The following ZSWIM8 variants were observed in gnomAD, a reference collection of about 807,000 sequenced individuals.
ZSWIM8 encodes the protein zinc finger SWIM-type containing 8.
A neutral mutation model predicts 173.7 loss-of-function variants in ZSWIM8; 27 were observed. The ratio of observed to expected loss-of-function variants is 0.16; its 90% CI spans 0.11 to 0.21. The LOEUF is 0.21. Among genes scored for constraint, ZSWIM8 ranks in the 10% least tolerant of loss-of-function variants. ZSWIM8 has a pLI of 1.00. For missense variants in ZSWIM8, 1,627 were observed against 2,428.8 expected, an observed-to-expected ratio of 0.67 and a Z score of 6.94; for synonymous variants, 958 against 962.0, an observed-to-expected ratio of 1.00 and a Z score of 0.08.
chr10:73,799,525 G>A (rs1200259942), intron 21 of ZSWIM8, 35 bp downstream of exon 21: 1 of 1,581,932 alleles, frequency 6.3e-7, no homozygotes, highest in East Asian at 2.3e-5. Context: ...GTAAGGCATG[G>A]GAAAATACTG....
rs2083529905 is a variant in ZSWIM8 at position 73,794,339 on chromosome 10, C to T, written c.2809+9C>T. The T allele has an allele frequency of 1.9e-6, 3 of 1,612,658 alleles. No individual in the cohort carries two copies. Among genetic ancestry groups the T allele is most frequent in the Non-Finnish European group, 2.5e-6 (3 of 1,179,142 alleles). Reference sequence around the variant, plus strand: ...CGTTCTCTGTGCTCCAGGTATGATGCCTGACCCTACAGTAAGTGGGGAACT... The same window carrying T: ...CGTTCTCTGTGCTCCAGGTATGATGTCTGACCCTACAGTAAGTGGGGAACT... On this transcript the variant is annotated intron_variant, in intron 13 of 25. Coordinates refer to ENST00000604729, the MANE Select transcript of ZSWIM8 (RefSeq NM_001367799.1).
Position 73,791,202 on chromosome 10 carries a change from C to T in ZSWIM8, c.1143+26C>T, listed in dbSNP as rs757068926. 1.4e-5 allele frequency: 22 copies of T among 1,574,678 alleles called. No individual in the cohort carries two copies. The highest frequency in any genetic ancestry group is 6.8e-5 in the East Asian group (3 of 44,206). On this transcript the variant is annotated intron_variant, in intron 8 of 25. Coordinates refer to ENST00000604729, the MANE Select transcript of ZSWIM8 (RefSeq NM_001367799.1). The surrounding 1 kb of genome is among the most constrained non-coding windows in gnomAD (Gnocchi z 6.0). ...GTAATCACTCAGCGTTGGGGAGCCC[C>T]GTGGTAGCTCATTCTTTCCCTCCCC...
At chr10:73,787,318 C>A (rs1421332548) in intron 1 of ZSWIM8, among the ~76,000 whole-genome samples, 1 of 152,186 alleles carries the variant, frequency 6.6e-6, no homozygotes, top group Non-Finnish European at 1.5e-5. Flanking sequence ...CCTGTGTACA[C>A]ACACACAAAC....
Position 73,793,618 on chromosome 10 carries a change from G to A in ZSWIM8, c.2344G>A (p.Ala782Thr). The change falls in exon 11 of 26, where the codon GCG (alanine) becomes ACG (threonine). Residue 782 changes from alanine to threonine, a missense_variant. Physicochemically the swap from Ala to Thr is moderately conservative, Grantham distance 58. Around this residue, in one of 18 missense-constraint regions of ZSWIM8, gnomAD observed 383 missense variants for 394.8 expected, o/e 0.97. Coordinates refer to ENST00000604729, the MANE Select transcript of ZSWIM8 (RefSeq NM_001367799.1). The part of the protein sequence containing the change: ...VLFACAEALH[A>T]HGYSSEASRL... Reference sequence around the variant, plus strand: ...GTTTGCCTGTGCTGAGGCCCTGCATGCGCATGGCTATAGCAGTGAGGCCTC... The same window carrying A: ...GTTTGCCTGTGCTGAGGCCCTGCATACGCATGGCTATAGCAGTGAGGCCTC... 6.2e-7 allele frequency: 1 copy of A among 1,610,194 alleles called. No homozygotes were observed. The highest frequency in any genetic ancestry group is 8.5e-7 in the Non-Finnish European group (1 of 1,177,882).
chr10:73,788,871 ACT>A, intron 2 of ZSWIM8, 48 bp downstream of exon 2: 2 of 1,605,720 alleles, frequency 1.2e-6, no homozygotes, highest in South Asian at 2.2e-5. Context: ...GATACTCCAC[ACT>A]GTCTGCTGGG....
chr10:73,791,010 C>T lies in ZSWIM8; in HGVS notation c.977C>T (p.Pro326Leu). Reference sequence around the variant, plus strand: ...TCCATGTATCTGTCTTCCACGGAGCCGCCAGCCGCTGCTGAATGGGCATGT... The same window carrying T: ...TCCATGTATCTGTCTTCCACGGAGCTGCCAGCCGCTGCTGAATGGGCATGT... Reference protein sequence around the residue: ...VNSMYLSSTEPPAAAEWACLL... With the variant: ...VNSMYLSSTELPAAAEWACLL... The change falls in exon 8 of 26, where the codon CCG (proline) becomes CTG (leucine). Residue 326 changes from proline (P) to leucine (L), a missense_variant. Pro to Leu is a moderately conservative substitution (Grantham distance 98). This residue lies in a region of ZSWIM8 where 38 missense variants were observed against 106.1 expected (regional missense o/e 0.36). Transcript: ENST00000604729. The surrounding 1 kb of genome is among the most constrained non-coding windows in gnomAD (Gnocchi z 6.0). 6.2e-7 allele frequency: 1 copy of T among 1,612,736 alleles called. No homozygotes were observed. The highest frequency in any genetic ancestry group is 8.5e-7 in the Non-Finnish European group (1 of 1,179,874).
intron 1 of ZSWIM8, 140 bp from the exon 2 acceptor site, chr10:73,788,530 C>T: frequency 1.9e-6 from 2 of 1,061,550 alleles, no homozygotes; most frequent in Non-Finnish European, 2.7e-6. Flanking sequence ...AGGGGGATCC[C>T]TAGGACTTTC....
At chr10:73,799,736 G>C (rs962934033) in intron 21 of ZSWIM8, 1 of 646,012 alleles carries the variant, frequency 1.5e-6, no homozygotes, top group Non-Finnish European at 2.6e-6. Context: ...TTCGAGACCA[G>C]CCTGGCCAAC....
intron 19 of ZSWIM8, 58 bp downstream of exon 19, chr10:73,798,128 C>T (rs1458638865): frequency 8.8e-6 from 14 of 1,596,588 alleles, no homozygotes; most frequent in East Asian, 2.2e-5. Context: ...GGGATAAGAC[C>T]CTTATCTTTG....
In ZSWIM8 at chr10:73,797,454, G is replaced by A; in HGVS notation, c.3511G>A (p.Gly1171Arg). The A allele has an allele frequency of 6.2e-7, 1 of 1,613,896 alleles. No individual in the cohort carries two copies. Among genetic ancestry groups the A allele is most frequent in the Non-Finnish European group, 8.5e-7 (1 of 1,179,840 alleles). ...CACCTTAAGCCGGAGACCACTTCGA[G>A]GGGGCTGGGCCCCCACCTCCTGGGG... ...SPTLSRRPLR[G>R]GWAPTSWGRG... Residue 1171 changes from glycine (G) to arginine (R), a missense_variant, in exon 18 of 26, where the codon GGG becomes AGG. Transcript: ENST00000604729. The surrounding 1 kb of genome is among the most constrained non-coding windows in gnomAD (Gnocchi z 5.6).
Position 73,800,638 on chromosome 10 carries a change from A to G in ZSWIM8, c.5003-2A>G. On this transcript the variant is annotated splice_acceptor_variant, in intron 23 of 25. Coordinates refer to ENST00000604729, the MANE Select transcript of ZSWIM8 (RefSeq NM_001367799.1). LOFTEE classifies it high-confidence loss of function. The surrounding 1 kb of genome is among the most constrained non-coding windows in gnomAD (Gnocchi z 4.1). ...ATGTGCCCACCCTTATCTATCTCCC[A>G]GGAATGCTGGCACTGGAGATGCTGG... 6.2e-7 allele frequency: 1 copy of G among 1,608,198 alleles called. No homozygotes were observed. Among genetic ancestry groups the G allele is most frequent in the Non-Finnish European group, 8.5e-7 (1 of 1,176,924 alleles).
Position 73,789,996 on chromosome 10 carries a change from C to G in ZSWIM8, c.779C>G (p.Ser260Cys), listed in dbSNP as rs2083359973. ...TAQRLLDELL[S>C]SQSTAINTVC... ...CAGCGTCTCCTGGACGAACTCCTGT[C>G]TTCCCAGTCAACAGCCATCAATACA... The change falls in exon 6 of 26, where the codon TCT becomes TGT. Residue 260 changes from serine to cysteine, a missense_variant. Ser to Cys is a moderately radical substitution (Grantham distance 112). This residue lies in a region of ZSWIM8 where 39 missense variants were observed against 154.0 expected (regional missense o/e 0.25). Coordinates refer to ENST00000604729, the MANE Select transcript of ZSWIM8 (RefSeq NM_001367799.1). This position sits in a 1 kb window ranked among gnomAD's most constrained non-coding sequence, Gnocchi z 6.8. 3 of 1,613,494 alleles carry G rather than the reference C, an allele frequency of 1.9e-6. No homozygotes were observed. The highest frequency in any genetic ancestry group is 2.5e-6 in the Non-Finnish European group (3 of 1,179,702).
intron 14 of ZSWIM8, 113 bp from the exon 15 acceptor site, chr10:73,795,426 C>A: frequency 6.6e-7 from 1 of 1,517,540 alleles, no homozygotes; most frequent in Non-Finnish European, 8.9e-7. Context: ...GTGGGTTGGA[C>A]CAAGGGAACC....
At position 73,791,827 on chromosome 10, in the gene ZSWIM8, C is replaced by T; in HGVS notation, c.1320-32C>T. On this transcript the variant is annotated intron_variant, in intron 9 of 25. Transcript: ENST00000604729. This position sits in a 1 kb window ranked among gnomAD's most constrained non-coding sequence, Gnocchi z 6.0. ...CCATGCCCATCCTTTCCCAGTAGCCCCTCAGCAGCCTCCTGCCCCTTGTTC... is the reference window on the plus strand; with the variant it reads ...CCATGCCCATCCTTTCCCAGTAGCCTCTCAGCAGCCTCCTGCCCCTTGTTC... The T allele has an allele frequency of 6.8e-7, 1 of 1,480,918 alleles. No homozygotes were observed. Among genetic ancestry groups the T allele is most frequent in the East Asian group, 2.5e-5 (1 of 39,986 alleles). The allele number at this position is 1,480,918 out of a possible 1,614,324, so 91.7% of individuals were successfully genotyped here. A position where few individuals can be genotyped will look rare whatever the true frequency, so the allele number is the denominator to read the frequency against.
chr10:73,792,950 T>C lies in ZSWIM8; in HGVS notation c.2313+98T>C. 7.0e-7 allele frequency: 1 copy of C among 1,418,858 alleles called. No homozygotes were observed. The highest frequency in any genetic ancestry group is 9.4e-7 in the Non-Finnish European group (1 of 1,063,996). The allele number at this position is 1,418,858 out of a possible 1,614,324, so 87.9% of individuals were successfully genotyped here. ...GGAGTGTCAGGACCATCAGCAGGAT[T>C]GTGAGAACCCTGTTGCAGGCGCCGA... On this transcript the variant is annotated intron_variant, in intron 10 of 25. Coordinates refer to ENST00000604729, the MANE Select transcript of ZSWIM8 (RefSeq NM_001367799.1). This position sits in a 1 kb window ranked among gnomAD's most constrained non-coding sequence, Gnocchi z 4.3.
At chr10:73,787,617 C>T (rs2083272379) in intron 1 of ZSWIM8, among the ~76,000 whole-genome samples, 2 of 152,132 alleles carry the variant, frequency 1.3e-5, no homozygotes, top group East Asian at 1.9e-4. Context: ...TTTGGGAGGC[C>T]GAGTCGGGTG....
chr10:73,789,202 A>G lies in ZSWIM8; in HGVS notation c.457+12A>G, dbSNP rs762818446. 28 of 1,613,662 alleles carry G rather than the reference A, an allele frequency of 1.7e-5. No homozygotes were observed. Among genetic ancestry groups the G allele is most frequent in the African/African-American group, 2.7e-5 (2 of 74,926 alleles). On this transcript the variant is annotated intron_variant, in intron 3 of 25. Coordinates refer to ENST00000604729, the MANE Select transcript of ZSWIM8 (RefSeq NM_001367799.1). This position sits in a 1 kb window ranked among gnomAD's most constrained non-coding sequence, Gnocchi z 6.8. ...CCCATTGCAGATAGGTGAGTGGGCC[A>G]TCATGCCATGTGGCACATCCTGCTC...
Position 73,800,630 on chromosome 10 carries a change from T to TATC in ZSWIM8, c.5003-9_5003-7dup, listed in dbSNP as rs1481201789. 1 of 1,613,424 alleles carries TATC rather than the reference T, an allele frequency of 6.2e-7. No individual in the cohort carries two copies. Among genetic ancestry groups the TATC allele is most frequent in the Admixed American group, 1.7e-5 (1 of 59,978 alleles). ...ACCGTACCATGTGCCCACCCTTATC[T>TATC]ATCTCCCAGGAATGCTGGCACTGGA... On this transcript the variant is annotated splice_polypyrimidine_tract_variant and intron_variant, in intron 23 of 25. Coordinates refer to ENST00000604729, the MANE Select transcript of ZSWIM8 (RefSeq NM_001367799.1). This position sits in a 1 kb window ranked among gnomAD's most constrained non-coding sequence, Gnocchi z 4.1.
Position 73,801,142 on chromosome 10 carries a change from C to T in ZSWIM8, c.5248C>T (p.Arg1750Cys). 1.9e-6 allele frequency: 3 copies of T among 1,591,732 alleles called. No individual in the cohort carries two copies. Among genetic ancestry groups the T allele is most frequent in the East Asian group, 2.3e-5 (1 of 43,482 alleles). The change falls in exon 25 of 26, where the codon CGT becomes TGT. Residue 1750 changes from arginine (R) to cysteine (C), a missense_variant. Arg to Cys is a radical substitution (Grantham distance 180, BLOSUM62 -3). Transcript: ENST00000604729. This position sits in a 1 kb window ranked among gnomAD's most constrained non-coding sequence, Gnocchi z 4.9. ...LSPAHAHNHL[R>C]APAFHQLVQR... ...TCCCGCTCATGCCCACAACCACCTG[C>T]GTGCCCCGGCCTTCCACCAACTGGT...
Sources: allele counts gnomAD v4.1 joint callset (sites outside exome capture counted in the v4.1 genomes callset), GRCh38; gene constraint gnomAD v4.1.1; regional missense constraint gnomAD v4.1.1; non-coding constraint Gnocchi (gnomAD v3.1); transcripts MANE v1.5; gene names NCBI Gene and HGNC (gene_info 2026-07-23, HGNC 2026-07-21).